VWA3B: variants seen among roughly 807,000 people sequenced by gnomAD.
VWA3B encodes von Willebrand factor A domain-containing protein 3B.
A neutral mutation model predicts 158.3 loss-of-function variants in VWA3B; 138 were observed. The ratio of observed to expected loss-of-function variants is 0.87; its 90% CI spans 0.76 to 1.00. The LOEUF is 1.00. VWA3B is among the 50% of genes least tolerant of loss of function. VWA3B has a pLI of 0.00. For missense variants in VWA3B, 1,555 were observed against 1,565.1 expected (o/e 0.99, Z 0.11); for synonymous variants, 596 against 587.3 (o/e 1.01, Z -0.21).
At chr2:98,174,186 G>A (rs1199611909) in intron 8 of VWA3B, among the ~76,000 whole-genome samples, 1 of 152,164 alleles carries the variant, frequency 6.6e-6, no homozygotes, top group Middle Eastern at 3.2e-3. Context: ...GCAGCAATCT[G>A]GGAAGTGTTT....
chr2:98,240,397 C>T (rs1303203614), intron 19 of VWA3B, among the ~76,000 whole-genome samples: 1 of 152,134 alleles, frequency 6.6e-6, no homozygotes, highest in Non-Finnish European at 1.5e-5. Flanking sequence ...ACAAACATTC[C>T]TGTAACAGGT....
At position 98,163,418 on chromosome 2, in the gene VWA3B, A is replaced by G. The variant is rs528728698; in HGVS notation, c.1114+442A>G. On this transcript the variant is annotated intron_variant, in intron 8 of 27. Transcript: ENST00000477737. ...CTGGGTGTGGTGGCCCGTGCCTGTA[A>G]TCCCAGCTACTCAGGAGGCTGAGGC... Among the ~76,000 whole-genome samples the G allele has an allele frequency of 1.4e-3, 215 of 152,196 alleles. 1 individual carries two copies. Among genetic ancestry groups the G allele is most frequent in the Middle Eastern group, 6.8e-3 (2 of 294 alleles).
intron 19 of VWA3B, among the ~76,000 whole-genome samples, chr2:98,248,889 TTC>T (rs1686612680): frequency 7.7e-6 from 1 of 129,920 alleles, no homozygotes; most frequent in Non-Finnish European, 1.8e-5. Context: ...CTTTCTCTCT[TTC>T]CTTTCTTTCT....
chr2:98,135,368 C>A (rs1420900902), intron 7 of VWA3B, among the ~76,000 whole-genome samples: 2 of 114,396 alleles, frequency 1.7e-5, no homozygotes, highest in Admixed American at 1.1e-4. Flanking sequence ...CAGAGTCTCG[C>A]TCTGTCGCCC....
chr2:98,128,560 T>A lies in VWA3B; in HGVS notation c.872+152T>A, dbSNP rs118001539. 6.1e-3 allele frequency: 4,897 copies of A among 806,646 alleles called. 186 individuals are homozygous for A. In the East Asian group the frequency reaches 0.093, roughly 15 times the overall value. 50.0% of individuals were successfully genotyped at this position (806,646 alleles called of 1,614,324 possible). On this transcript the variant is annotated intron_variant, in intron 6 of 27. Transcript: ENST00000477737. The stretch of plus-strand genomic sequence containing the variant: ...TATTTAGTCTCTCTGCATCTTTTCT[T>A]CTCCGTCTTGTATTAATCATGACTT...
chr2:98,256,195 C>T, intron 21 of VWA3B, 21 bp downstream of exon 21: 1 of 1,523,546 alleles, frequency 6.6e-7, no homozygotes. Flanking sequence ...CCATTCCCTC[C>T]TCACTTTTTT....
rs1675294984 is a variant in VWA3B at position 98,125,687 on chromosome 2, C to T, written c.703-2552C>T. Reference sequence around the variant, plus strand: ...TTCTTTTCTTTCTTTTTTTTTGAAACCGAGTCTCGCTCTGTCGCCCAGGCT... The same window carrying T: ...TTCTTTTCTTTCTTTTTTTTTGAAATCGAGTCTCGCTCTGTCGCCCAGGCT... On this transcript the variant is annotated intron_variant, in intron 5 of 27. Transcript: ENST00000477737. This position sits in a 1 kb window ranked among gnomAD's most constrained non-coding sequence, Gnocchi z 4.1. Among the ~76,000 whole-genome samples the T allele has an allele frequency of 6.6e-6, 1 of 151,758 alleles. No individual in the cohort carries two copies. Among genetic ancestry groups the T allele is most frequent in the South Asian group, 2.1e-4 (1 of 4,820 alleles).
At chr2:98,234,931 G>C (rs1685579043) in intron 17 of VWA3B, among the ~76,000 whole-genome samples, 164 bp downstream of exon 17, 1 of 152,196 alleles carries the variant, frequency 6.6e-6, no homozygotes, top group Admixed American at 6.5e-5. Flanking sequence ...CCTGCTTTAT[G>C]ACCTGGATTT....
At chr2:98,251,317 A>G (rs1446839520) in intron 20 of VWA3B, among the ~76,000 whole-genome samples, 1 of 152,184 alleles carries the variant, frequency 6.6e-6, no homozygotes, top group African/African-American at 2.4e-5. Flanking sequence ...GGCATCTAAC[A>G]TTCTATAAAG....
chr2:98,116,538 G>A (rs542465826), intron 3 of VWA3B, among the ~76,000 whole-genome samples: 1 of 152,044 alleles, frequency 6.6e-6, no homozygotes, highest in East Asian at 1.9e-4. Flanking sequence ...ACACTTTCTT[G>A]TTCTATCACC....
Position 98,226,797 on chromosome 2 carries a change from A to G in VWA3B, c.2020-1405A>G, listed in dbSNP as rs1415076649. The stretch of plus-strand genomic sequence containing the variant: ...ACATTTCACTGAAGAGAATCTACAG[A>G]TGGCAAAGAAGCACATGAAAAGAGG... On this transcript the variant is annotated intron_variant, in intron 14 of 27. Coordinates refer to ENST00000477737, the MANE Select transcript of VWA3B (RefSeq NM_144992.5). 2.0e-5 allele frequency among the ~76,000 whole-genome samples: 3 copies of G among 152,358 alleles called. No homozygotes were observed. The East Asian group carries it at 5.8e-4, about 29-fold the overall frequency.
Position 98,312,505 on chromosome 2 carries a change from A to C in VWA3B, c.*156A>C. The C allele has an allele frequency of 9.3e-6, 8 of 856,050 alleles. No homozygotes were observed. Among genetic ancestry groups the C allele is most frequent in the South Asian group, 4.4e-5 (2 of 45,344 alleles). 53.0% of individuals were successfully genotyped at this position (856,050 alleles called of 1,614,324 possible). On this transcript the variant is annotated 3_prime_UTR_variant, in exon 28 of 28. Transcript: ENST00000477737. ...TGTAGCAAAGACTCCTCTCCCCTCC[A>C]TCCCTGCTGCCTCCCCTACCCGTTT...
At chr2:98,245,611 A>G (rs1228815713) in intron 19 of VWA3B, 1 of 456,936 alleles carries the variant, frequency 2.2e-6, no homozygotes, top group South Asian at 1.5e-5. Context: ...GAAGTAGAAC[A>G]CTAAGCAGTG....
intron 19 of VWA3B, among the ~76,000 whole-genome samples, chr2:98,247,334 AT>A (rs1686466029): frequency 6.6e-6 from 1 of 151,958 alleles, no homozygotes; most frequent in Non-Finnish European, 1.5e-5. Context: ...GGTATTTTGT[AT>A]TTTTATTCTC....
At chr2:98,093,428 G>T in intron 2 of VWA3B, 140 bp downstream of exon 2, 2 of 755,070 alleles carry the variant, frequency 2.6e-6, no homozygotes, top group South Asian at 3.9e-5. Flanking sequence ...GAAAATGCTT[G>T]CACGTGTGCC....
chr2:98,312,439 G>A lies in VWA3B; in HGVS notation c.*90G>A. 6.7e-7 allele frequency: 1 copy of A among 1,491,138 alleles called. No individual in the cohort carries two copies. Among genetic ancestry groups the A allele is most frequent in the Non-Finnish European group, 8.9e-7 (1 of 1,118,302 alleles). The allele number at this position is 1,491,138 out of a possible 1,614,324, so 92.4% of individuals were successfully genotyped here. A position where few individuals can be genotyped will look rare whatever the true frequency, so the allele number is the denominator to read the frequency against. On this transcript the variant is annotated 3_prime_UTR_variant, in exon 28 of 28. Transcript: ENST00000477737. ...TGACACTGAAACTGGCCCCTCCGCGGAGGTAAGGCCGCCCTCCGCGCCGCC... is the reference window on the plus strand; with the variant it reads ...TGACACTGAAACTGGCCCCTCCGCGAAGGTAAGGCCGCCCTCCGCGCCGCC...
At chr2:98,182,259 T>C (rs1438365739) in intron 9 of VWA3B, among the ~76,000 whole-genome samples, 1 of 152,162 alleles carries the variant, frequency 6.6e-6, no homozygotes, top group Non-Finnish European at 1.5e-5. Context: ...ACTGAGATGT[T>C]GTAACTCCAG....
chr2:98,300,268 G>A (rs750513125), intron 25 of VWA3B, 52 bp downstream of exon 25: 4 of 1,603,510 alleles, frequency 2.5e-6, no homozygotes, highest in Admixed American at 3.4e-5. Flanking sequence ...ATGCCAGGCT[G>A]TATCCTGGCA....
At chr2:98,324,461 C>T in the VWA3B span, among the ~76,000 whole-genome samples, 1 of 152,168 alleles carries the variant, frequency 6.6e-6, no homozygotes, top group Non-Finnish European at 1.5e-5. Context: ...CCACAGCCAG[C>T]CTCTAACTTC....
Sources: gnomAD v4.1 joint callset for allele counts (sites outside exome capture counted in the v4.1 genomes callset) on GRCh38, gnomAD v4.1.1 for gene constraint, Gnocchi (gnomAD v3.1) non-coding constraint, MANE v1.5 for transcripts, NCBI Gene and HGNC (gene_info 2026-07-23, HGNC 2026-07-21) for gene names.